ARPC1A: variants seen among roughly 807,000 people sequenced by gnomAD.
ARPC1A encodes the protein actin related protein 2/3 complex subunit 1A, also known as actin-related protein 2/3 complex subunit 1A.
ARPC1A carries 8 observed loss-of-function variants against 46.9 expected under a neutral mutation model. That is an observed-to-expected ratio of 0.17 (90% CI 0.10 to 0.31). ARPC1A has a LOEUF of 0.31. Ranked by LOEUF, ARPC1A falls within the 10% of genes least tolerant of loss-of-function variation. The pLI is 1.00. For missense variants in ARPC1A, 286 were observed against 483.6 expected (o/e 0.59, Z 3.83); for synonymous variants, 152 against 169.0 (o/e 0.90, Z 0.78).
intron 2 of ARPC1A, among the ~76,000 whole-genome samples, chr7:99,336,941 G>A (rs1162794071): frequency 6.6e-6 from 1 of 151,906 alleles, no homozygotes; most frequent in Non-Finnish European, 1.5e-5. Flanking sequence ...AGGCAACATA[G>A]TGAGACCCTG....
rs1361435540 is a variant in ARPC1A, at chr7:99,338,289, A to G, written c.169+4A>G. On this transcript the variant is annotated splice_donor_region_variant and intron_variant, in intron 3 of 9. Coordinates refer to ENST00000262942, the MANE Select transcript of ARPC1A (RefSeq NM_006409.4). ...GAGCACAACGGACACATCACAGGTAAAGGAAGATAGCCGTGAGCTTAGTGT... is the reference window on the plus strand; with the variant it reads ...GAGCACAACGGACACATCACAGGTAGAGGAAGATAGCCGTGAGCTTAGTGT... 6.3e-7 allele frequency: 1 copy of G among 1,588,794 alleles called. No individual in the cohort carries two copies. The highest frequency in any genetic ancestry group is 8.6e-7 in the Non-Finnish European group (1 of 1,159,844).
At chr7:99,359,933 A>T in intron 8 of ARPC1A, 195 bp downstream of exon 8, 2 of 646,226 alleles carry the variant, frequency 3.1e-6, no homozygotes, top group Non-Finnish European at 5.3e-6. Flanking sequence ...GGGAGTCGCC[A>T]CCACCTGGTC....
intron 1 of ARPC1A, among the ~76,000 whole-genome samples, chr7:99,327,009 A>G (rs1793058176): frequency 1.3e-5 from 2 of 152,176 alleles, no homozygotes; most frequent in African/African-American, 4.8e-5. Flanking sequence ...CCTTCTGTCT[A>G]TGTCAACTCG....
At chr7:99,361,046 C>T (rs1444619389) in intron 8 of ARPC1A, among the ~76,000 whole-genome samples, 1 of 151,714 alleles carries the variant, frequency 6.6e-6, no homozygotes, top group Non-Finnish European at 1.5e-5. Context: ...ACTGAGAAGC[C>T]TTTTATGTTT....
chr7:99,336,024 A>G (rs1793245100), intron 2 of ARPC1A, among the ~76,000 whole-genome samples: 1 of 151,970 alleles, frequency 6.6e-6, no homozygotes, highest in Admixed American at 6.6e-5. Context: ...CAGTGAATTT[A>G]GAGCATGTGT....
intron 2 of ARPC1A, chr7:99,335,410 C>CT (rs1448841134): frequency 4.5e-6 from 2 of 446,472 alleles, no homozygotes; most frequent in Non-Finnish European, 8.9e-6. Context: ...TTTCTGGACT[C>CT]TCAATTCTAT....
In ARPC1A at chr7:99,351,806, A is replaced by G. The variant is rs75970111; in HGVS notation, c.501-2103A>G. Among the ~76,000 whole-genome samples, 115 of 152,312 alleles carry G rather than the reference A, an allele frequency of 7.6e-4. 1 individual carries two copies. In the East Asian group the frequency reaches 0.021, roughly 27 times the overall value. ...GTTTTTTGGAGAGAAGAAGGTGTACAAAGTAGAAATCACATTGGAGGGCGA... is the reference window on the plus strand; with the variant it reads ...GTTTTTTGGAGAGAAGAAGGTGTACGAAGTAGAAATCACATTGGAGGGCGA... On this transcript the variant is annotated intron_variant, in intron 5 of 9. Transcript: ENST00000262942.
chr7:99,344,917 G>GTTTTTTTT (rs1562799264), intron 4 of ARPC1A, among the ~76,000 whole-genome samples: 9 of 29,588 alleles, frequency 3.0e-4, no homozygotes, highest in African/African-American at 1.5e-3. Context: ...AGATAACAAT[G>GTTTTTTTT]TTCTTTTTTT....
At chr7:99,346,423 A>G (rs555497584) in intron 4 of ARPC1A, among the ~76,000 whole-genome samples, 5 of 152,162 alleles carry the variant, frequency 3.3e-5, no homozygotes, top group African/African-American at 1.2e-4. Context: ...TCTACAGGAA[A>G]CTTTTCTTCC....
intron 2 of ARPC1A, among the ~76,000 whole-genome samples, chr7:99,334,305 T>C (rs1793202636): frequency 1.3e-5 from 2 of 151,850 alleles, no homozygotes; most frequent in African/African-American, 4.8e-5. Flanking sequence ...GAGGTTGCAG[T>C]GATCTGAGAT....
At position 99,341,250 on chromosome 7, in the gene ARPC1A, G is replaced by A. The variant is rs144849747; in HGVS notation, c.169+2965G>A. Among the ~76,000 whole-genome samples the A allele has an allele frequency of 3.2e-3, 479 of 152,040 alleles. 2 individuals carry two copies. The highest frequency in any genetic ancestry group is 9.5e-3 in the African/African-American group (394 of 41,486). On this transcript the variant is annotated intron_variant, in intron 3 of 9. Coordinates refer to ENST00000262942, the MANE Select transcript of ARPC1A (RefSeq NM_006409.4). Reference sequence around the variant, plus strand: ...CTTGAACCCAGGAGGCAGAGGTTGCGGTGAGCTGAGATGGCGCCACTGCAC... The same window carrying A: ...CTTGAACCCAGGAGGCAGAGGTTGCAGTGAGCTGAGATGGCGCCACTGCAC...
intron 4 of ARPC1A, among the ~76,000 whole-genome samples, chr7:99,347,440 C>T (rs900316634): frequency 2.6e-5 from 4 of 152,044 alleles, no homozygotes; most frequent in African/African-American, 9.7e-5. Flanking sequence ...CGTGGTGGCT[C>T]ATGCCTGTAA....
chr7:99,351,205 T>C (rs940178164), intron 5 of ARPC1A, among the ~76,000 whole-genome samples: 90 of 152,136 alleles, frequency 5.9e-4, no homozygotes, highest in African/African-American at 2.1e-3. Flanking sequence ...GTTGTGAAAA[T>C]AGGTTGCAGT....
At chr7:99,351,958 A>G (rs936450466) in intron 5 of ARPC1A, among the ~76,000 whole-genome samples, 11 of 152,170 alleles carry the variant, frequency 7.2e-5, no homozygotes, top group Non-Finnish European at 1.5e-4. Context: ...GACACCACCT[A>G]TAAAGGACCT....
At chr7:99,346,344 CT>C (rs1168635638) in intron 4 of ARPC1A, among the ~76,000 whole-genome samples, 1 of 152,140 alleles carries the variant, frequency 6.6e-6, no homozygotes, top group African/African-American at 2.4e-5. Context: ...AGATAGGAAA[CT>C]AACTTCATTA....
At chr7:99,327,034 G>A (rs1793058667) in intron 1 of ARPC1A, among the ~76,000 whole-genome samples, 1 of 152,126 alleles carries the variant, frequency 6.6e-6, no homozygotes, top group Non-Finnish European at 1.5e-5. Flanking sequence ...TTAAATTGCC[G>A]AGATTATCTT....
At chr7:99,361,766 C>T (rs1177493770) in intron 8 of ARPC1A, among the ~76,000 whole-genome samples, 2 of 152,266 alleles carry the variant, frequency 1.3e-5, no homozygotes, top group Middle Eastern at 3.4e-3. Context: ...AGAACTGTGT[C>T]AGCTAACTTT....
Position 99,351,751 on chromosome 7 carries a change from G to A in ARPC1A, c.501-2158G>A, listed in dbSNP as rs191525952. On this transcript the variant is annotated intron_variant, in intron 5 of 9. Coordinates refer to ENST00000262942, the MANE Select transcript of ARPC1A (RefSeq NM_006409.4). ...TTTGGGGTGGTAGGGGGGATACCTCGGTTCTTTTAGGGAGCCTTTAGGTTC... is the reference window on the plus strand; with the variant it reads ...TTTGGGGTGGTAGGGGGGATACCTCAGTTCTTTTAGGGAGCCTTTAGGTTC... 3.3e-5 allele frequency among the ~76,000 whole-genome samples: 5 copies of A among 152,322 alleles called. 1 individual carries two copies. Among genetic ancestry groups the A allele is most frequent in the Admixed American group, 1.3e-4 (2 of 15,286 alleles).
In ARPC1A at chr7:99,357,945, T is replaced by C. The variant is rs141850205; in HGVS notation, c.714-395T>C. On this transcript the variant is annotated intron_variant, in intron 6 of 9. Transcript: ENST00000262942. ...GGCAAGGAGAAGGTCCTAGCACAGGTGTCTGCTGCCAAGTCATAGTAACAG... is the reference window on the plus strand; with the variant it reads ...GGCAAGGAGAAGGTCCTAGCACAGGCGTCTGCTGCCAAGTCATAGTAACAG... Among the ~76,000 whole-genome samples the C allele has an allele frequency of 1.7e-4, 26 of 152,256 alleles. 1 individual carries two copies. In the East Asian group the frequency reaches 5.0e-3, roughly 29 times the overall value.
Sources: gnomAD v4.1 joint callset for allele counts (sites outside exome capture counted in the v4.1 genomes callset) on GRCh38, gnomAD v4.1.1 for gene constraint, MANE v1.5 for transcripts, NCBI Gene and HGNC (gene_info 2026-07-23, HGNC 2026-07-21) for gene names.